The following GLG1 variants were observed in gnomAD, a reference collection of about 807,000 sequenced individuals.
GLG1 encodes the protein golgi glycoprotein 1, also known as Golgi apparatus protein 1.
GLG1 carries 38 observed loss-of-function variants against 160.5 expected under a neutral mutation model. The observed-to-expected ratio is 0.24, with a 90% confidence interval of 0.18 to 0.31. GLG1 has a LOEUF of 0.31. Ranked by LOEUF, GLG1 falls within the 10% of genes least tolerant of loss-of-function variation. The pLI is 1.00. For missense variants in GLG1, 1,373 were observed against 1,505.2 expected, an observed-to-expected ratio of 0.91 and a Z score of 1.45; for synonymous variants, 644 against 543.4, an observed-to-expected ratio of 1.19 and a Z score of -2.57.
At chr16:74,462,786 C>G in intron 20 of GLG1, 156 bp from the exon 21 acceptor site, 1 of 691,372 alleles carries the variant, frequency 1.4e-6, no homozygotes, top group South Asian at 1.7e-5. Context: ...TCTCACTACA[C>G]TGTTTTTAAT....
In GLG1 at chr16:74,453,352, A is replaced by G; in HGVS notation, c.3373-18T>C. 2 of 1,575,096 alleles carry G rather than the reference A, an allele frequency of 1.3e-6. No homozygotes were observed. Among genetic ancestry groups the G allele is most frequent in the South Asian group, 1.1e-5 (1 of 90,014 alleles). On this transcript the variant is annotated intron_variant, in intron 25 of 25. Transcript: ENST00000422840. Reference sequence around the variant, plus strand: ...GGGGCCACCTAGAATGACACAAGGCAATGTGATTCTCTGAGAGAGCACTGG... The same window carrying G: ...GGGGCCACCTAGAATGACACAAGGCGATGTGATTCTCTGAGAGAGCACTGG...
In GLG1 at chr16:74,456,041, C is replaced by T. The variant is rs139363087; in HGVS notation, c.3372+608G>A. Among the ~76,000 whole-genome samples the T allele has an allele frequency of 2.3e-3, 351 of 152,308 alleles. 5 individuals carry two copies. Among genetic ancestry groups the T allele is most frequent in the Middle Eastern group, 0.02 (6 of 294 alleles). On this transcript the variant is annotated intron_variant, in intron 25 of 25. Transcript: ENST00000422840. ...GTGTCCTACAGTCTTTCTTCATCCC[C>T]TTCTTCTCCATGTTCCAGACCAGAT... is the stretch of plus-strand genomic sequence containing the variant.
intron 1 of GLG1, among the ~76,000 whole-genome samples, chr16:74,565,804 G>A (rs2018639481): frequency 1.3e-5 from 2 of 152,126 alleles, no homozygotes; most frequent in Admixed American, 6.5e-5. Flanking sequence ...CACCTTATTG[G>A]TTCTATGTCT....
At chr16:74,490,400 T>A in intron 8 of GLG1, among the ~76,000 whole-genome samples, 1 of 152,214 alleles carries the variant, frequency 6.6e-6, no homozygotes, top group East Asian at 1.9e-4. Flanking sequence ...ACATGTATCC[T>A]GGAACTTAAC....
rs1328449889 is a variant in GLG1, at chr16:74,518,996, A to AATCATTAT, written c.472-10072_472-10071insATAATGAT. Among the ~76,000 whole-genome samples the AATCATTAT allele has an allele frequency of 1.1e-4, 16 of 152,306 alleles. No homozygotes were observed. In the East Asian group the frequency reaches 2.9e-3, roughly 28 times the overall value. On this transcript the variant is annotated intron_variant, in intron 2 of 25. Transcript: ENST00000422840. ...AATCCCATCACTAGGCATATACCTA[A>AATCATTAT]AGGATTATAAATCATTATATGATAA... is the stretch of plus-strand genomic sequence containing the variant.
At chr16:74,521,220 G>A (rs1257373807) in intron 2 of GLG1, among the ~76,000 whole-genome samples, 3 of 152,198 alleles carry the variant, frequency 2.0e-5, no homozygotes, top group African/African-American at 7.2e-5. Flanking sequence ...AGGAGAAGAG[G>A]TCAGAGAGTT....
intron 1 of GLG1, among the ~76,000 whole-genome samples, chr16:74,598,693 G>A (rs1220732137): frequency 6.6e-6 from 1 of 151,658 alleles, no homozygotes; most frequent in African/African-American, 2.4e-5. Context: ...AGGAGTTTGA[G>A]ACCACCCTGG....
intron 15 of GLG1, among the ~76,000 whole-genome samples, chr16:74,470,629 G>A (rs1336823642): frequency 6.6e-6 from 1 of 151,566 alleles, no homozygotes; most frequent in African/African-American, 2.4e-5. Context: ...TGTATTTTTT[G>A]TAGAGACAGG....
intron 5 of GLG1, 48 bp downstream of exon 5, chr16:74,496,393 A>G (rs768306545): frequency 1.7e-6 from 2 of 1,198,444 alleles, no homozygotes; most frequent in South Asian, 2.6e-5. Flanking sequence ...AAAATTATAT[A>G]TGTGTAAAAA....
intron 5 of GLG1, among the ~76,000 whole-genome samples, chr16:74,496,027 G>C (rs966222620): frequency 6.6e-6 from 1 of 152,116 alleles, no homozygotes; most frequent in African/African-American, 2.4e-5. Context: ...TACTTTCAGA[G>C]ACAGAGGGAG....
chr16:74,560,413 C>T (rs1166243962), intron 1 of GLG1, among the ~76,000 whole-genome samples: 2 of 151,442 alleles, frequency 1.3e-5, no homozygotes, highest in African/African-American at 2.4e-5. Flanking sequence ...CTGCAACCTC[C>T]GTCTTCCAGG....
chr16:74,531,000 G>A (rs190744537), intron 2 of GLG1, among the ~76,000 whole-genome samples: 1 of 152,060 alleles, frequency 6.6e-6, no homozygotes, highest in Admixed American at 6.5e-5. Context: ...CATCTGCATT[G>A]TGAATACTTT....
rs17338626 is a variant in GLG1 at position 74,456,952 on chromosome 16, C to T, written c.3266-197G>A. Among the ~76,000 whole-genome samples, 1,156 of 152,208 alleles carry T rather than the reference C, an allele frequency of 7.6e-3. 2 individuals are homozygous for T. Among genetic ancestry groups the T allele is most frequent in the Middle Eastern group, 0.014 (4 of 294 alleles). On this transcript the variant is annotated intron_variant, in intron 24 of 25. Coordinates refer to ENST00000422840, the MANE Select transcript of GLG1 (RefSeq NM_001145667.2). The stretch of plus-strand genomic sequence containing the variant: ...ATATGTAACCTCCAGGGTTGGCGTC[C>T]GAAGCCTCTCTTAAAACCTCCTTAT...
intron 1 of GLG1, among the ~76,000 whole-genome samples, chr16:74,566,390 A>G (rs1431158337): frequency 6.6e-6 from 1 of 152,262 alleles, no homozygotes; most frequent in Non-Finnish European, 1.5e-5. Context: ...AGTTCTTTCT[A>G]CCACGGCTTC....
intron 1 of GLG1, chr16:74,552,512 T>A: frequency 4.7e-6 from 2 of 424,066 alleles, no homozygotes; most frequent in East Asian, 1.3e-4. Flanking sequence ...ATCTGCCCCG[T>A]GAGACTGTGC....
chr16:74,464,182 A>C (rs756812459), intron 19 of GLG1, among the ~76,000 whole-genome samples: 1 of 152,092 alleles, frequency 6.6e-6, no homozygotes, highest in Admixed American at 6.6e-5. Context: ...CCCTATCTAG[A>C]GGGTGATGTT....
chr16:74,532,583 G>A (rs1315766255), intron 1 of GLG1, among the ~76,000 whole-genome samples: 1 of 151,960 alleles, frequency 6.6e-6, no homozygotes, highest in Non-Finnish European at 1.5e-5. Flanking sequence ...CCATGCAGTG[G>A]CGCAATCATG....
intron 2 of GLG1, among the ~76,000 whole-genome samples, chr16:74,528,186 A>G (rs1356823777): frequency 1.3e-5 from 2 of 151,990 alleles, no homozygotes; most frequent in East Asian, 3.9e-4. Flanking sequence ...TTTTTAATAG[A>G]GACAGGATTT....
At chr16:74,543,478 T>TA (rs1398088384) in intron 1 of GLG1, among the ~76,000 whole-genome samples, 4 of 151,610 alleles carry the variant, frequency 2.6e-5, no homozygotes, top group African/African-American at 4.8e-5. Flanking sequence ...AACTTACCTC[T>TA]AAAAAAACAG....
Sources: allele counts gnomAD v4.1 joint callset (sites outside exome capture counted in the v4.1 genomes callset), GRCh38; gene constraint gnomAD v4.1.1; transcripts MANE v1.5; gene names NCBI Gene and HGNC (gene_info 2026-07-23, HGNC 2026-07-21).